HLTF: variants seen among roughly 807,000 people sequenced by gnomAD.
The protein encoded by HLTF is helicase like transcription factor.
In HLTF, 127 loss-of-function variants were observed where a neutral mutation model predicts 129.4. That is an observed-to-expected ratio of 0.98 (90% confidence interval 0.85 to 1.14). The LOEUF is 1.14. Ranked by LOEUF, HLTF falls within the 50% of genes most tolerant of loss-of-function variation. The pLI is 0.00. For missense variants in HLTF, 1,139 were observed against 1,187.1 expected, an observed-to-expected ratio of 0.96 and a Z score of 0.60; for synonymous variants, 332 against 388.8, an observed-to-expected ratio of 0.85 and a Z score of 1.72.
intron 18 of HLTF, 42 bp downstream of exon 18, chr3:149,046,038 T>C: frequency 6.8e-7 from 1 of 1,460,418 alleles, no homozygotes; most frequent in Non-Finnish European, 9.4e-7. Context: ...GGAAACAAAG[T>C]AAACAAAAAC....
Position 149,042,278 on chromosome 3 carries a change from T to G in HLTF, c.2085A>C (p.Glu695Asp), listed in dbSNP as rs754246572. ...CTGCATAATGTGCCAGGACAGTCCC[T>G]TCATTAAAATACCTAGAGATTAAAA... is the stretch of plus-strand genomic sequence containing the variant. ...GRATIGRYFN[E>D]GTVLAHYADV... is the part of the protein sequence containing the mutation. Residue 695 changes from glutamate (E) to aspartate (D), a missense_variant, in exon 19 of 25, where the codon GAA becomes GAC. Transcript: ENST00000310053. The G allele has an allele frequency of 1.2e-6, 2 of 1,609,866 alleles. No individual in the cohort carries two copies. Among genetic ancestry groups the G allele is most frequent in the East Asian group, 4.5e-5 (2 of 44,830 alleles).
rs1716947357 is a variant in HLTF, at chr3:149,051,155, A to G, written c.1474-780T>C. On this transcript the variant is annotated intron_variant, in intron 14 of 24. Coordinates refer to ENST00000310053, the MANE Select transcript of HLTF (RefSeq NM_003071.4). ...CTTGGGGACTAATGAAATATGAAAT[A>G]TGAATAATAATAATAAGACTAAGAT... Among the ~76,000 whole-genome samples, 4 of 151,962 alleles carry G rather than the reference A, an allele frequency of 2.6e-5. No homozygotes were observed. In the South Asian group the frequency reaches 8.3e-4, roughly 31 times the overall value.
At chr3:149,057,198 C>T (rs1225561417) in intron 13 of HLTF, among the ~76,000 whole-genome samples, 2 of 145,178 alleles carry the variant, frequency 1.4e-5, no homozygotes, top group Admixed American at 7.0e-5. Flanking sequence ...AAGACTGAGG[C>T]GGGTGGATCA....
At chr3:149,077,315 C>T (rs1260052602) in intron 2 of HLTF, among the ~76,000 whole-genome samples, 6 of 151,494 alleles carry the variant, frequency 4.0e-5, no homozygotes, top group Admixed American at 6.6e-5. Context: ...TGTTGGGATC[C>T]TAGGTAAAGC....
In HLTF at chr3:149,086,503, ACGT is replaced by A; in HGVS notation, c.-170_-168del. On this transcript the variant is annotated 5_prime_UTR_variant, in exon 1 of 25. Coordinates refer to ENST00000310053, the MANE Select transcript of HLTF (RefSeq NM_003071.4). Reference sequence around the variant, plus strand: ...GGTAAGTCGCCGCGAGTCCAGTCAGACGTCGACGCCGTCTCCTTCTGCAACAAT... The same window carrying A: ...GGTAAGTCGCCGCGAGTCCAGTCAGACGACGCCGTCTCCTTCTGCAACAAT... 2.9e-6 allele frequency: 2 copies of A among 680,160 alleles called. No individual in the cohort carries two copies. The highest frequency in any genetic ancestry group is 5.0e-6 in the Non-Finnish European group (2 of 397,562). 42.1% of individuals were successfully genotyped at this position (680,160 alleles called of 1,614,324 possible). A position where few individuals can be genotyped will look rare whatever the true frequency, so the allele number is the denominator to read the frequency against.
chr3:149,060,744 G>C (rs746631449), intron 11 of HLTF, 35 bp downstream of exon 11: 1 of 1,601,610 alleles, frequency 6.2e-7, no homozygotes, highest in Non-Finnish European at 8.5e-7. Flanking sequence ...TTAGAATATA[G>C]GACACATTAT....
At chr3:149,040,503 T>C (rs1716037412) in intron 20 of HLTF, among the ~76,000 whole-genome samples, 1 of 151,914 alleles carries the variant, frequency 6.6e-6, no homozygotes, top group South Asian at 2.1e-4. Flanking sequence ...TTTAGTACTA[T>C]TCTTTAAAAA....
At chr3:149,068,113 A>G (rs1718556007) in intron 8 of HLTF, 127 bp downstream of exon 8, 7 of 556,850 alleles carry the variant, frequency 1.3e-5, no homozygotes, top group Middle Eastern at 4.6e-4. Flanking sequence ...CAACACATAA[A>G]AGACAGAGAG....
chr3:149,074,385 A>G, intron 3 of HLTF, 37 bp from the exon 4 acceptor site: 2 of 1,570,236 alleles, frequency 1.3e-6, no homozygotes, highest in Non-Finnish European at 1.7e-6. Flanking sequence ...GGAAATCAGA[A>G]GCATTACTTT....
chr3:149,063,812 A>G (rs538168378), intron 9 of HLTF, among the ~76,000 whole-genome samples: 14 of 151,830 alleles, frequency 9.2e-5, no homozygotes, highest in Middle Eastern at 3.4e-3. Context: ...GAGCTATTGG[A>G]AAAAAAAATC....
chr3:149,082,722 CA>C (rs149115161), intron 2 of HLTF, among the ~76,000 whole-genome samples: 2,739 of 152,174 alleles, frequency 0.018, 87 homozygotes, highest in African/African-American at 0.062. Context: ...GATAGTATCT[CA>C]ATTTTTATTA....
intron 7 of HLTF, 126 bp from the exon 8 acceptor site, chr3:149,068,461 T>C: frequency 2.1e-6 from 1 of 466,360 alleles, no homozygotes; most frequent in Non-Finnish European, 3.8e-6. Context: ...GTGTACTGTA[T>C]ATTAATGAAA....
Position 149,086,515 on chromosome 3 carries a change from T to C in HLTF, c.-179A>G, listed in dbSNP as rs556896089. On this transcript the variant is annotated 5_prime_UTR_variant, in exon 1 of 25. Coordinates refer to ENST00000310053, the MANE Select transcript of HLTF (RefSeq NM_003071.4). ...CGAGTCCAGTCAGACGTCGACGCCG[T>C]CTCCTTCTGCAACAATCTGGGAGAC... The C allele has an allele frequency of 4.6e-6, 3 of 645,476 alleles. No homozygotes were observed. Among genetic ancestry groups the C allele is most frequent in the Admixed American group, 2.8e-5 (1 of 35,380 alleles). 40.0% of individuals were successfully genotyped at this position (645,476 alleles called of 1,614,324 possible). A position where few individuals can be genotyped will look rare whatever the true frequency, so the allele number is the denominator to read the frequency against.
intron 14 of HLTF, among the ~76,000 whole-genome samples, chr3:149,051,600 C>G (rs1273955597): frequency 6.6e-6 from 1 of 152,222 alleles, no homozygotes; most frequent in Non-Finnish European, 1.5e-5. Flanking sequence ...GTAGCTCATG[C>G]CTGTAATCCC....
rs758204100 is a variant in HLTF, at chr3:149,060,699, A to G, written c.1241-12T>C. The G allele has an allele frequency of 3.7e-6, 6 of 1,612,782 alleles. No individual in the cohort carries two copies. Among genetic ancestry groups the G allele is most frequent in the Middle Eastern group, 1.7e-4 (1 of 6,056 alleles). On this transcript the variant is annotated splice_polypyrimidine_tract_variant and intron_variant, in intron 11 of 24. Transcript: ENST00000310053. ...ATTTTTCAGTTTGCCTAAAAATAAA[A>G]CAAAAATAAACATAAAAATGGGCAA...
chr3:149,068,334 C>A lies in HLTF; in HGVS notation c.896G>T (p.Gly299Val). The A allele has an allele frequency of 7.0e-7, 1 of 1,422,486 alleles. No homozygotes were observed. 88.1% of individuals were successfully genotyped at this position (1,422,486 alleles called of 1,614,324 possible). A position where few individuals can be genotyped will look rare whatever the true frequency, so the allele number is the denominator to read the frequency against. The change falls in exon 8 of 25, where the codon GGT becomes GTT. Residue 299 changes from glycine to valine, a missense_variant and splice_region_variant. By Grantham distance (109) the Gly-to-Val change is moderately radical. Transcript: ENST00000310053. The stretch of plus-strand genomic sequence containing the variant: ...TACTGCAATGGCCGTAAGAGTTTTA[C>A]CCTTAAAAATGTTTTAAAAAGATAA... ...GGILADDMGL[G>V]KTLTAIAVIL...
At chr3:149,036,378 TCCTGGGTTCAAG>T (rs199873117) in intron 23 of HLTF, among the ~76,000 whole-genome samples, 2,612 of 139,656 alleles carry the variant, frequency 0.019, 76 homozygotes, top group African/African-American at 0.066. Context: ...AACCTCCACC[TCCTGGGTTCAAG>T]CGATTCTCCT....
chr3:149,036,659 G>A (rs1382386029), intron 23 of HLTF, among the ~76,000 whole-genome samples: 1 of 152,102 alleles, frequency 6.6e-6, no homozygotes, highest in Non-Finnish European at 1.5e-5. Context: ...CCATATGCCT[G>A]TAATCCCAGC....
Position 149,042,311 on chromosome 3 carries a change from T to C in HLTF, c.2073-21A>G, listed in dbSNP as rs1304076714. The stretch of plus-strand genomic sequence containing the variant: ...AATACCTAGAGATTAAAATGTCAAA[T>C]ATTATTAAGTCCGCTAAACAATAAT... On this transcript the variant is annotated intron_variant, in intron 18 of 24. Transcript: ENST00000310053. The C allele has an allele frequency of 3.1e-6, 5 of 1,591,330 alleles. 1 individual carries two copies. The Admixed American group carries it at 8.5e-5, about 27-fold the overall frequency.
Sources: gnomAD v4.1 joint callset for allele counts (sites outside exome capture counted in the v4.1 genomes callset) on GRCh38, gnomAD v4.1.1 for gene constraint, MANE v1.5 for transcripts, NCBI Gene and HGNC (gene_info 2026-07-23, HGNC 2026-07-21) for gene names.